Variants in SYNPR observed in about 807,000 individuals in gnomAD.
SYNPR encodes synaptoporin.
A neutral mutation model predicts 32.9 loss-of-function variants in SYNPR; 23 were observed. The observed-to-expected ratio is 0.70, with a 90% CI of 0.50 to 0.99. SYNPR has a LOEUF of 0.99. SYNPR is among the 50% of genes least tolerant of loss of function. The probability of loss-of-function intolerance (pLI) is 0.00; values close to 1 mark genes in which losing one functional copy is unlikely to be tolerated. For synonymous variants in SYNPR, 146 were observed against 135.9 expected (o/e 1.07, Z -0.52); for missense variants, 318 against 349.3 (o/e 0.91, Z 0.71).
At chr3:63,494,814 C>G (rs1014584247) in intron 3 of SYNPR, among the ~76,000 whole-genome samples, 5 of 152,026 alleles carry the variant, frequency 3.3e-5, no homozygotes, top group African/African-American at 1.2e-4. Context: ...CATCAAAGAC[C>G]ATGCCCTTCA....
intron 3 of SYNPR, among the ~76,000 whole-genome samples, chr3:63,272,276 G>A (rs7625718): frequency 0.024 from 3,664 of 152,178 alleles, 136 homozygotes; most frequent in African/African-American, 0.082. Context: ...TACAGATAAG[G>A]AAACTGAACG....
chr3:63,295,628 G>A (rs939907320), intron 2 of SYNPR, among the ~76,000 whole-genome samples: 1 of 152,298 alleles, frequency 6.6e-6, no homozygotes, highest in African/African-American at 2.4e-5. Context: ...AGCAGGCAGA[G>A]AGAATTTCTC....
rs546162766 is a variant in SYNPR, at chr3:63,615,945, G to A, written c.*464G>A. On this transcript the variant is annotated 3_prime_UTR_variant, in exon 6 of 6. Coordinates refer to ENST00000478300, the MANE Select transcript of SYNPR (RefSeq NM_001130003.2). ...AGTTTTAAGTCCTATAGGACTATGA[G>A]TCTCTAAGTTATTTGTTTCAGAAAA... The A allele has an allele frequency of 6.6e-6, 1 of 152,242 alleles. No homozygotes were observed. Among genetic ancestry groups the A allele is most frequent in the Non-Finnish European group, 1.5e-5 (1 of 68,174 alleles). The allele number at this position is 152,242 out of a possible 1,614,324, so 9.4% of individuals were successfully genotyped here.
intron 2 of SYNPR, among the ~76,000 whole-genome samples, chr3:63,432,751 T>G (rs1700015667): frequency 6.6e-6 from 1 of 152,190 alleles, no homozygotes; most frequent in Non-Finnish European, 1.5e-5. Flanking sequence ...TTCTCTCACC[T>G]TTGGTGAGAC....
At chr3:63,310,167 A>G (rs2086949578) in intron 2 of SYNPR, among the ~76,000 whole-genome samples, 1 of 151,908 alleles carries the variant, frequency 6.6e-6, no homozygotes, top group Non-Finnish European at 1.5e-5. Flanking sequence ...TTCCATTGGT[A>G]TAGTTGAGAC....
intron 2 of SYNPR, among the ~76,000 whole-genome samples, chr3:63,316,395 A>C (rs911981974): frequency 1.1e-4 from 17 of 151,896 alleles, no homozygotes; most frequent in African/African-American, 3.9e-4. Context: ...TTTTTAAATT[A>C]CCATTTCAAT....
At chr3:63,609,519 C>T (rs995631043) in intron 5 of SYNPR, among the ~76,000 whole-genome samples, 12 of 152,070 alleles carry the variant, frequency 7.9e-5, no homozygotes, top group Admixed American at 3.3e-4. Flanking sequence ...GTAATGTTGC[C>T]GATTAAGGAG....
chr3:63,514,823 T>C (rs1701765461), intron 3 of SYNPR, among the ~76,000 whole-genome samples: 1 of 152,070 alleles, frequency 6.6e-6, no homozygotes, highest in Non-Finnish European at 1.5e-5. Flanking sequence ...TTTGATAGCC[T>C]TTGAGGTACT....
At chr3:63,267,132 C>T (rs2086497190) in intron 2 of SYNPR, among the ~76,000 whole-genome samples, 1 of 152,118 alleles carries the variant, frequency 6.6e-6, no homozygotes, top group Non-Finnish European at 1.5e-5. Flanking sequence ...TGTGTGTCCC[C>T]AGAAGTTGGA....
At chr3:63,253,440 T>C (rs1218971609) in intron 2 of SYNPR, among the ~76,000 whole-genome samples, 1 of 152,236 alleles carries the variant, frequency 6.6e-6, no homozygotes, top group Non-Finnish European at 1.5e-5. Flanking sequence ...CTTGAAATAA[T>C]AATTTTGATG....
At chr3:63,563,772 C>CT (rs1702735167) in intron 4 of SYNPR, among the ~76,000 whole-genome samples, 1 of 151,950 alleles carries the variant, frequency 6.6e-6, no homozygotes. Context: ...AAATGGCTTG[C>CT]TAGGGGTATG....
At chr3:63,598,492 C>G (rs1699993469) in intron 4 of SYNPR, among the ~76,000 whole-genome samples, 1 of 152,184 alleles carries the variant, frequency 6.6e-6, no homozygotes. Flanking sequence ...TGAACAGATA[C>G]TTAAAACATA....
chr3:63,364,416 G>A (rs1350945255), intron 2 of SYNPR, among the ~76,000 whole-genome samples: 2 of 152,118 alleles, frequency 1.3e-5, no homozygotes, highest in Non-Finnish European at 2.9e-5. Flanking sequence ...GAGTGCTTAT[G>A]AGCTCATGGA....
chr3:63,475,410 T>C (rs575034561), intron 2 of SYNPR, among the ~76,000 whole-genome samples: 8 of 152,118 alleles, frequency 5.3e-5, no homozygotes, highest in African/African-American at 1.7e-4. Context: ...GTTTGAGGAG[T>C]ATCAGGAGCT....
chr3:63,415,251 T>G (rs553959489), intron 2 of SYNPR, among the ~76,000 whole-genome samples: 1 of 152,222 alleles, frequency 6.6e-6, no homozygotes. Context: ...AACAACAGCA[T>G]GCTGGTAGCT....
chr3:63,404,786 C>A (rs145649715), intron 2 of SYNPR, among the ~76,000 whole-genome samples: 5 of 152,046 alleles, frequency 3.3e-5, no homozygotes, highest in Non-Finnish European at 7.4e-5. Flanking sequence ...TTAATACAAA[C>A]AATTGCTACC....
the SYNPR span, among the ~76,000 whole-genome samples, chr3:63,205,963 G>A: frequency 0.014 from 2,189 of 152,286 alleles, 44 homozygotes; most frequent in African/African-American, 0.049. Flanking sequence ...TGACAGTTCT[G>A]TTGGTTCAGG....
chr3:63,519,950 G>A (rs954606152), intron 3 of SYNPR, among the ~76,000 whole-genome samples: 1 of 152,136 alleles, frequency 6.6e-6, no homozygotes, highest in African/African-American at 2.4e-5. Context: ...GACAATATAT[G>A]TGTGTGTGTA....
At chr3:63,314,600 G>C (rs2087021306) in intron 2 of SYNPR, among the ~76,000 whole-genome samples, 1 of 151,922 alleles carries the variant, frequency 6.6e-6, no homozygotes, top group African/African-American at 2.4e-5. Flanking sequence ...ATTTGTTTGA[G>C]TTCATTGTAG....
Sources: gnomAD v4.1 joint callset for allele counts (sites outside exome capture counted in the v4.1 genomes callset) on GRCh38, gnomAD v4.1.1 for gene constraint, MANE v1.5 for transcripts, NCBI Gene and HGNC (gene_info 2026-07-23, HGNC 2026-07-21) for gene names.